SIN3B: variants seen among roughly 807,000 people sequenced by gnomAD.
SIN3B encodes the protein SIN3 transcription regulator family member B.
Under a neutral mutation model 120.2 loss-of-function variants are expected in SIN3B, and 19 were observed. The ratio of observed to expected loss-of-function variants is 0.16; its 90% CI spans 0.11 to 0.23. SIN3B has a LOEUF of 0.23. SIN3B is among the 10% of genes least tolerant of loss of function. The probability of loss-of-function intolerance (pLI) is 1.00; values close to 1 mark genes in which losing one functional copy is unlikely to be tolerated. For synonymous variants in SIN3B, 654 were observed against 653.2 expected, an observed-to-expected ratio of 1.00 and a Z score of -0.02; for missense variants, 1,073 against 1,573.0, an observed-to-expected ratio of 0.68 and a Z score of 5.38.
intron 16 of SIN3B, 172 bp from the exon 17 acceptor site, chr19:16,877,373 A>G (rs1020595091): frequency 2.3e-4 from 140 of 597,392 alleles, no homozygotes; most frequent in Non-Finnish European, 3.9e-4. Context: ...GTCAAGAGCT[A>G]TAGTCTGTTG....
At chr19:16,831,750 T>A in intron 3 of SIN3B, 103 bp downstream of exon 3, 1 of 972,482 alleles carries the variant, frequency 1.0e-6, no homozygotes, top group Non-Finnish European at 1.6e-6. Flanking sequence ...AGAAAGCCAC[T>A]TAAGATCTGT....
Position 16,866,441 on chromosome 19 carries a change from A to T in SIN3B, c.1691A>T (p.Tyr564Phe), listed in dbSNP as rs766152964. Residue 564 changes from tyrosine (Y) to phenylalanine (F), a missense_variant, in exon 12 of 19, where the codon TAT becomes TTT. Coordinates refer to ENST00000248054, the MANE Select transcript of SIN3B (RefSeq NM_001297595.2). ...TTCAACAAGATCTGGCGGGAGCAGTATGAGAAGGCGTACCTCAAGTCCCTT... is the reference window on the plus strand; with the variant it reads ...TTCAACAAGATCTGGCGGGAGCAGTTTGAGAAGGCGTACCTCAAGTCCCTT... Reference protein sequence around the residue: ...QGFNKIWREQYEKAYLKSLDH... With the variant: ...QGFNKIWREQFEKAYLKSLDH... The T allele has an allele frequency of 6.2e-7, 1 of 1,613,766 alleles. No homozygotes were observed. The highest frequency in any genetic ancestry group is 1.7e-5 in the Admixed American group (1 of 60,006).
At chr19:16,843,207 C>T (rs1299456811) in intron 4 of SIN3B, among the ~76,000 whole-genome samples, 1 of 152,168 alleles carries the variant, frequency 6.6e-6, no homozygotes, top group Non-Finnish European at 1.5e-5. Flanking sequence ...AAACAATTCT[C>T]CTGCCTCAGC....
intron 2 of SIN3B, among the ~76,000 whole-genome samples, chr19:16,831,078 T>C (rs540004928): frequency 6.6e-6 from 1 of 152,110 alleles, no homozygotes; most frequent in East Asian, 1.9e-4. Context: ...TTTTTTTTTT[T>C]TTGAGATGGA....
chr19:16,869,331 C>T lies in SIN3B; in HGVS notation c.1807-129C>T, dbSNP rs934795371. On this transcript the variant is annotated intron_variant, in intron 12 of 18. Coordinates refer to ENST00000248054, the MANE Select transcript of SIN3B (RefSeq NM_001297595.2). ...GGCCCTGCTGCCTCACCGATGTTCG[C>T]CACCCATCCTGCTCTGGGCAGCGCT... The T allele has an allele frequency of 5.6e-6, 7 of 1,254,072 alleles. No homozygotes were observed. In the African/African-American group the frequency reaches 9.0e-5, roughly 16 times the overall value. 77.7% of individuals were successfully genotyped at this position (1,254,072 alleles called of 1,614,324 possible). A position where few individuals can be genotyped will look rare whatever the true frequency, so the allele number is the denominator to read the frequency against.
chr19:16,847,649 C>T (rs1240521947), intron 5 of SIN3B, among the ~76,000 whole-genome samples: 5 of 152,216 alleles, frequency 3.3e-5, no homozygotes. Context: ...TCACCCTGCA[C>T]AGTCAGCCTT....
At chr19:16,846,926 C>T (rs764114705) in intron 4 of SIN3B, 44 bp from the exon 5 acceptor site, 14 of 1,599,996 alleles carry the variant, frequency 8.8e-6, no homozygotes, top group Non-Finnish European at 1.2e-5. Context: ...GGGCACAGCA[C>T]TCCTTGACTA....
At chr19:16,832,190 T>C (rs1363191045) in intron 3 of SIN3B, among the ~76,000 whole-genome samples, 1 of 90,630 alleles carries the variant, frequency 1.1e-5, no homozygotes, top group Non-Finnish European at 2.6e-5. Context: ...GTGCTGGCCC[T>C]CTTTTTTTTT....
Position 16,876,243 on chromosome 19 carries a change from G to T in SIN3B, c.2766+15G>T, listed in dbSNP as rs771917647. ...ACTGCTTCAAGGTGAGAGGAGGCCT[G>T]GGGCTGGGAACACGCCGGGAGGCCC... is the stretch of plus-strand genomic sequence containing the variant. On this transcript the variant is annotated intron_variant, in intron 15 of 18. Transcript: ENST00000248054. The surrounding 1 kb of genome is among the most constrained non-coding windows in gnomAD (Gnocchi z 7.1). The T allele has an allele frequency of 3.7e-5, 59 of 1,602,574 alleles. No homozygotes were observed. The East Asian group carries it at 1.3e-3, about 36-fold the overall frequency.
At position 16,878,854 on chromosome 19, in the gene SIN3B, G is replaced by T; in HGVS notation, c.*127G>T. Reference sequence around the variant, plus strand: ...CCCAGCCCCTCTGCTGCCGGACAGCGCACTCCAGGGCAGGACGCCGCCCCC... The same window carrying T: ...CCCAGCCCCTCTGCTGCCGGACAGCTCACTCCAGGGCAGGACGCCGCCCCC... On this transcript the variant is annotated 3_prime_UTR_variant, in exon 19 of 19. Coordinates refer to ENST00000248054, the MANE Select transcript of SIN3B (RefSeq NM_001297595.2). The T allele has an allele frequency of 1.2e-6, 1 of 857,436 alleles. No homozygotes were observed. The highest frequency in any genetic ancestry group is 2.7e-5 in the East Asian group (1 of 37,418). 53.1% of individuals were successfully genotyped at this position (857,436 alleles called of 1,614,324 possible). A position where few individuals can be genotyped will look rare whatever the true frequency, so the allele number is the denominator to read the frequency against.
At position 16,840,639 on chromosome 19, in the gene SIN3B, G is replaced by A. The variant is rs1402712549; in HGVS notation, c.382-1129G>A. Among the ~76,000 whole-genome samples the A allele has an allele frequency of 3.9e-5, 6 of 152,192 alleles. 1 individual carries two copies. In the South Asian group the frequency reaches 1.2e-3, roughly 31 times the overall value. On this transcript the variant is annotated intron_variant, in intron 3 of 18. Coordinates refer to ENST00000248054, the MANE Select transcript of SIN3B (RefSeq NM_001297595.2). ...GTTGCAGTAGATTTTCAGGGTCAGC[G>A]TTTGGGTCACCTGCAGTGTTGGGCA...
At chr19:16,874,195 C>T (rs1447723427) in intron 14 of SIN3B, among the ~76,000 whole-genome samples, 1 of 152,284 alleles carries the variant, frequency 6.6e-6, no homozygotes, top group Non-Finnish European at 1.5e-5. Flanking sequence ...CCACCTTCAG[C>T]TCATTCCTGG....
chr19:16,854,549 C>G (rs117158030), intron 8 of SIN3B: 3 of 289,028 alleles, frequency 1.0e-5, no homozygotes, highest in Admixed American at 1.1e-4. Context: ...GTTTTAACAC[C>G]GATGAGAAAA....
In SIN3B at chr19:16,829,408, T is replaced by C; in HGVS notation, c.-13T>C. ...GGGCGGGGGCGGGGCGGGGCGCAGC[T>C]CCGACTTCGGACATGGCGCACGCTG... On this transcript the variant is annotated 5_prime_UTR_variant, in exon 1 of 19. Coordinates refer to ENST00000248054, the MANE Select transcript of SIN3B (RefSeq NM_001297595.2). 1 of 1,200,698 alleles carries C rather than the reference T, an allele frequency of 8.3e-7. No individual in the cohort carries two copies. The highest frequency in any genetic ancestry group is 1.0e-6 in the Non-Finnish European group (1 of 967,628). The allele number at this position is 1,200,698 out of a possible 1,614,324, so 74.4% of individuals were successfully genotyped here.
At chr19:16,866,589 G>T (rs1971777184) in intron 12 of SIN3B, 33 bp downstream of exon 12, 2 of 1,608,262 alleles carry the variant, frequency 1.2e-6, no homozygotes, top group Admixed American at 1.7e-5. Flanking sequence ...CGGCCGGTGG[G>T]GGTGGGGTCC....
At chr19:16,869,369 T>C in intron 12 of SIN3B, 91 bp from the exon 13 acceptor site, 1 of 1,457,064 alleles carries the variant, frequency 6.9e-7, no homozygotes, top group Non-Finnish European at 9.1e-7. Flanking sequence ...TCCACCTTGG[T>C]GGCCCAGTTA....
chr19:16,878,983 C>G lies in SIN3B; in HGVS notation c.*256C>G. On this transcript the variant is annotated 3_prime_UTR_variant, in exon 19 of 19. Transcript: ENST00000248054. ...CACAGGGGCGGGTGGACGTGCTGGC[C>G]GAGGAACAAGCAATCATGTTTGCGT... The G allele has an allele frequency of 3.7e-6, 2 of 533,894 alleles. No individual in the cohort carries two copies. The allele number at this position is 533,894 out of a possible 1,614,324, so 33.1% of individuals were successfully genotyped here. A position where few individuals can be genotyped will look rare whatever the true frequency, so the allele number is the denominator to read the frequency against.
chr19:16,841,144 T>C (rs575577276), intron 3 of SIN3B, among the ~76,000 whole-genome samples: 55 of 151,968 alleles, frequency 3.6e-4, no homozygotes, highest in Non-Finnish European at 7.6e-4. Flanking sequence ...CTATTTTTGC[T>C]CATATCGGCT....
chr19:16,866,983 C>G (rs1183578241), intron 12 of SIN3B, among the ~76,000 whole-genome samples: 2 of 152,158 alleles, frequency 1.3e-5, no homozygotes, highest in African/African-American at 4.8e-5. Context: ...TCTTGAACTC[C>G]TGACCTCGTG....
Sources: gnomAD v4.1 joint callset for allele counts (sites outside exome capture counted in the v4.1 genomes callset) on GRCh38, gnomAD v4.1.1 for gene constraint, Gnocchi (gnomAD v3.1) non-coding constraint, MANE v1.5 for transcripts, NCBI Gene and HGNC (gene_info 2026-07-23, HGNC 2026-07-21) for gene names.